NDST1: variants seen among roughly 807,000 people sequenced by gnomAD.
The protein encoded by NDST1 is bifunctional heparan sulfate N-deacetylase/N-sulfotransferase 1.
In NDST1, 35 loss-of-function variants were observed where a neutral mutation model predicts 92.8. The ratio of observed to expected loss-of-function variants is 0.38; its 90% confidence interval spans 0.29 to 0.50. The LOEUF is 0.50. NDST1 is among the 20% of genes least tolerant of loss of function. The pLI is 0.94. For missense variants in NDST1, 822 were observed against 1,182.7 expected (o/e 0.69, Z 4.47); for synonymous variants, 493 against 500.3 (o/e 0.99, Z 0.19).
At chr5:150,515,726 G>T (rs1753929195) in intron 1 of NDST1, among the ~76,000 whole-genome samples, 1 of 152,212 alleles carries the variant, frequency 6.6e-6, no homozygotes, top group African/African-American at 2.4e-5. Flanking sequence ...AGGGTGGTGG[G>T]GGTCATTGAG....
chr5:150,512,045 C>G (rs1296987145), intron 1 of NDST1, among the ~76,000 whole-genome samples: 1 of 152,018 alleles, frequency 6.6e-6, no homozygotes, highest in African/African-American at 2.4e-5. Flanking sequence ...ACCTGTTCCC[C>G]AGGCCTGCAG....
intron 12 of NDST1, among the ~76,000 whole-genome samples, chr5:150,548,988 C>G (rs544932298): frequency 2.4e-4 from 37 of 152,040 alleles, no homozygotes; most frequent in Non-Finnish European, 5.3e-4. Context: ...GGAGGGAGAG[C>G]CTGATCATAC....
rs374703510 is a variant in NDST1 at position 150,509,125 on chromosome 5, C to T, written c.-388+899C>T. 7.9e-5 allele frequency among the ~76,000 whole-genome samples: 12 copies of T among 152,216 alleles called. No homozygotes were observed. The East Asian group carries it at 1.7e-3, about 22-fold the overall frequency. ...GGGAGGCTGTTGTGGTTTCCAGGCCCGCATGGATTTTGGCTTCTGCATCCT... is the reference window on the plus strand; with the variant it reads ...GGGAGGCTGTTGTGGTTTCCAGGCCTGCATGGATTTTGGCTTCTGCATCCT... On this transcript the variant is annotated intron_variant, in intron 1 of 14. Transcript: ENST00000261797.
chr5:150,554,187 G>A lies in NDST1; in HGVS notation c.*855G>A. 2.5e-6 allele frequency: 1 copy of A among 398,446 alleles called. No homozygotes were observed. The highest frequency in any genetic ancestry group is 4.4e-6 in the Non-Finnish European group (1 of 225,942). The allele number at this position is 398,446 out of a possible 1,614,324, so 24.7% of individuals were successfully genotyped here. A position where few individuals can be genotyped will look rare whatever the true frequency, so the allele number is the denominator to read the frequency against. Reference sequence around the variant, plus strand: ...CATGGGCGAGCTGGTGAGACTGCCAGCCACGGCTTTGCTTAGCCACCTGTG... The same window carrying A: ...CATGGGCGAGCTGGTGAGACTGCCAACCACGGCTTTGCTTAGCCACCTGTG... On this transcript the variant is annotated 3_prime_UTR_variant, in exon 15 of 15. Transcript: ENST00000261797.
In NDST1 at chr5:150,540,422, G is replaced by A. The variant is rs767047204; in HGVS notation, c.1749+158G>A. ...CCCATCTACTTACCAGCATGGGTGCGTTCACTCCTTTGCACACATGCATGC... is the reference window on the plus strand; with the variant it reads ...CCCATCTACTTACCAGCATGGGTGCATTCACTCCTTTGCACACATGCATGC... On this transcript the variant is annotated intron_variant, in intron 8 of 14. Transcript: ENST00000261797. Among the ~76,000 whole-genome samples, 8 of 152,136 alleles carry A rather than the reference G, an allele frequency of 5.3e-5. No homozygotes were observed. In the East Asian group the frequency reaches 5.8e-4, roughly 11 times the overall value.
intron 3 of NDST1, among the ~76,000 whole-genome samples, chr5:150,530,097 G>A (rs1202160780): frequency 6.6e-6 from 1 of 152,180 alleles, no homozygotes; most frequent in Non-Finnish European, 1.5e-5. Context: ...AAGTTTTCAG[G>A]CTATTTCCTG....
At chr5:150,523,060 T>C (rs1754313207) in intron 2 of NDST1, among the ~76,000 whole-genome samples, 1 of 152,238 alleles carries the variant, frequency 6.6e-6, no homozygotes, top group Non-Finnish European at 1.5e-5. Flanking sequence ...GGGCTTCTCA[T>C]GGCGTGTTCT....
chr5:150,539,527 G>T (rs1245393399), intron 7 of NDST1, 171 bp downstream of exon 7: 27 of 1,498,328 alleles, frequency 1.8e-5, no homozygotes, highest in Non-Finnish European at 2.4e-5. Flanking sequence ...TGTGACCTTG[G>T]CTAAAGAATC....
Position 150,530,513 on chromosome 5 carries a change from A to G in NDST1, c.1008+2215A>G, listed in dbSNP as rs541457808. Among the ~76,000 whole-genome samples, 11 of 150,698 alleles carry G rather than the reference A, an allele frequency of 7.3e-5. No individual in the cohort carries two copies. The South Asian group carries it at 2.1e-3, about 29-fold the overall frequency. ...AGGTTCCTGGGCTCACTGTGTTCCT[A>G]TAAGCCCTGAATTTCTCTCTCTTAT... On this transcript the variant is annotated intron_variant, in intron 3 of 14. Coordinates refer to ENST00000261797, the MANE Select transcript of NDST1 (RefSeq NM_001543.5).
At chr5:150,543,677 G>A (rs1299546668) in intron 10 of NDST1, among the ~76,000 whole-genome samples, 1 of 152,186 alleles carries the variant, frequency 6.6e-6, no homozygotes, top group Non-Finnish European at 1.5e-5. Flanking sequence ...TCACGTGCAT[G>A]GACTGCAAAG....
chr5:150,519,559 A>T (rs538171201), intron 1 of NDST1, among the ~76,000 whole-genome samples: 1 of 152,280 alleles, frequency 6.6e-6, no homozygotes, highest in East Asian at 1.9e-4. Context: ...ATGGTGGCTC[A>T]TGCCTGTAAT....
At position 150,532,965 on chromosome 5, in the gene NDST1, C is replaced by T. The variant is rs2273232; in HGVS notation, c.1029C>T (p.Asn343=). The change falls in exon 4 of 15, where the codon AAC becomes AAT. Residue 343 remains asparagine (N), a synonymous_variant. Transcript: ENST00000261797. ...EDVKALFDTQ[N]ELRAHIPNFT... ...CCTAGGCCCTGTTTGACACACAGAA[C>T]GAACTACGCGCACACATCCCAAACT... The T allele has an allele frequency of 0.025, 40,690 of 1,614,050 alleles. 1,687 individuals carry two copies. Among genetic ancestry groups the T allele is most frequent in the East Asian group, 0.19 (8,417 of 44,870 alleles).
chr5:150,530,547 C>T (rs996243583), intron 3 of NDST1, among the ~76,000 whole-genome samples: 72 of 147,586 alleles, frequency 4.9e-4, no homozygotes, highest in South Asian at 4.3e-4. Context: ...ATTAATTTTC[C>T]GTATTTTAAA....
At chr5:150,536,558 C>CT (rs997677384) in intron 6 of NDST1, among the ~76,000 whole-genome samples, 29 of 151,152 alleles carry the variant, frequency 1.9e-4, no homozygotes, top group Admixed American at 8.6e-4. Context: ...GCATCTATCC[C>CT]TTTTTTTTTC....
At chr5:150,545,212 C>A in intron 10 of NDST1, 100 bp from the exon 11 acceptor site, 1 of 1,396,982 alleles carries the variant, frequency 7.2e-7, no homozygotes, top group South Asian at 1.2e-5. Flanking sequence ...CACTTGCTCT[C>A]TGAGGACATT....
rs767932700 is a variant in NDST1 at position 150,521,284 on chromosome 5, G to C, written c.30G>C (p.Leu10=). The C allele has an allele frequency of 6.2e-7, 1 of 1,611,810 alleles. No homozygotes were observed. Among genetic ancestry groups the C allele is most frequent in the Non-Finnish European group, 8.5e-7 (1 of 1,179,800 alleles). The change falls in exon 2 of 15, where the codon CTG becomes CTC. Residue 10 remains leucine, a synonymous_variant. Coordinates refer to ENST00000261797, the MANE Select transcript of NDST1 (RefSeq NM_001543.5). This position sits in a 1 kb window ranked among gnomAD's most constrained non-coding sequence, Gnocchi z 5.9. ...CTGCCCTGGCATGCCTCCGGAGGCT[G>C]TGTCGGCACGTGTCCCCGCAGGCTG... MPALACLRR[L]CRHVSPQAVL...
At chr5:150,531,691 G>T (rs551553550) in intron 3 of NDST1, among the ~76,000 whole-genome samples, 54 of 152,176 alleles carry the variant, frequency 3.5e-4, no homozygotes, top group Admixed American at 5.9e-4. Flanking sequence ...TAGAGACAGG[G>T]TTTCACCATG....
chr5:150,527,861 T>G lies in NDST1; in HGVS notation c.571T>G (p.Ser191Ala). 6.2e-7 allele frequency: 1 copy of G among 1,614,152 alleles called. No individual in the cohort carries two copies. Among genetic ancestry groups the G allele is most frequent in the South Asian group, 1.1e-5 (1 of 91,082 alleles). ...QLKGFPLFLH[S>A]NLGLKDCSIN... ...CAAGGGCTTCCCCCTGTTCCTGCAC[T>G]CAAACCTGGGCCTGAAGGACTGCAG... The change falls in exon 3 of 15, where the codon TCA (serine) becomes GCA (alanine). Residue 191 changes from serine (S) to alanine (A), a missense_variant. Coordinates refer to ENST00000261797, the MANE Select transcript of NDST1 (RefSeq NM_001543.5).
chr5:150,546,058 C>T (rs1425218139), intron 11 of NDST1, among the ~76,000 whole-genome samples: 3 of 139,872 alleles, frequency 2.1e-5, no homozygotes, highest in Non-Finnish European at 4.5e-5. Flanking sequence ...AGTGCAGTGG[C>T]CTGATCTCAA....
Sources: gnomAD v4.1 joint callset for allele counts (sites outside exome capture counted in the v4.1 genomes callset) on GRCh38, gnomAD v4.1.1 for gene constraint, Gnocchi (gnomAD v3.1) non-coding constraint, MANE v1.5 for transcripts, NCBI Gene and HGNC (gene_info 2026-07-23, HGNC 2026-07-21) for gene names.